The following MINDY1 variants were observed in gnomAD, a reference collection of about 807,000 sequenced individuals.
MINDY1 encodes the protein ubiquitin carboxyl-terminal hydrolase MINDY-1.
In MINDY1, 50 loss-of-function variants were observed where a neutral mutation model predicts 53.6. That is an observed-to-expected ratio of 0.93 (90% confidence interval 0.74 to 1.18). The LOEUF is 1.18. Ranked by LOEUF, MINDY1 falls within the 50% of genes most tolerant of loss-of-function variation. The pLI, the probability that MINDY1 is intolerant of heterozygous loss-of-function variation, is 0.00. For missense variants in MINDY1, 484 were observed against 578.6 expected (o/e 0.84, Z 1.68); for synonymous variants, 231 against 234.7 (o/e 0.98, Z 0.14).
In MINDY1 at chr1:151,006,096, C is replaced by T. The variant is rs781716055; in HGVS notation, c.-90+216G>A. The T allele has an allele frequency of 1.3e-5, 20 of 1,551,564 alleles. 1 individual carries two copies. In the Middle Eastern group the frequency reaches 2.2e-3, roughly 168 times the overall value. ...ATGGCCACAGTGCCCTGTATACTTG[C>T]TCACAAGGAGAGGGGGAAGGTTTCG... On this transcript the variant is annotated intron_variant, in intron 1 of 9. Transcript: ENST00000683666.
intron 8 of MINDY1, 70 bp downstream of exon 8, chr1:150,998,012 A>G: frequency 6.7e-7 from 1 of 1,485,200 alleles, no homozygotes. Context: ...TCTAGCAGTT[A>G]AAATGTATGC....
Position 150,999,992 on chromosome 1 carries a change from C to G in MINDY1, c.736-28G>C, listed in dbSNP as rs781429294. Reference sequence around the variant, plus strand: ...GCTTGGGTAGTGGGATGTGGGATACCAAAAAAATTGGGATTTTTTTTTCTT... The same window carrying G: ...GCTTGGGTAGTGGGATGTGGGATACGAAAAAAATTGGGATTTTTTTTTCTT... On this transcript the variant is annotated intron_variant, in intron 5 of 9. Transcript: ENST00000683666. This position sits in a 1 kb window ranked among gnomAD's most constrained non-coding sequence, Gnocchi z 4.4. 14 of 1,557,892 alleles carry G rather than the reference C, an allele frequency of 9.0e-6. No homozygotes were observed. The highest frequency in any genetic ancestry group is 1.2e-5 in the Non-Finnish European group (14 of 1,135,258).
chr1:151,004,576 A>G (rs1672942644), intron 1 of MINDY1, among the ~76,000 whole-genome samples: 1 of 151,908 alleles, frequency 6.6e-6, no homozygotes, highest in Non-Finnish European at 1.5e-5. Flanking sequence ...TTGAAAGTAC[A>G]AAAATTAGCC....
At position 151,006,789 on chromosome 1, in the gene MINDY1, G is replaced by A. The variant is rs587641154; in HGVS notation, c.-567C>T. 3.0e-4 allele frequency: 293 copies of A among 985,552 alleles called. No individual in the cohort carries two copies. Among genetic ancestry groups the A allele is most frequent in the Non-Finnish European group, 3.2e-4 (268 of 830,030 alleles). 61.1% of individuals were successfully genotyped at this position (985,552 alleles called of 1,614,324 possible). A position where few individuals can be genotyped will look rare whatever the true frequency, so the allele number is the denominator to read the frequency against. ...GATTTCCATCAGGACTTTCTGACCC[G>A]GTCAGCAGCTTTGTGATCAGCAGAG... On this transcript the variant is annotated 5_prime_UTR_variant, in exon 1 of 10. Transcript: ENST00000683666.
chr1:151,001,673 G>A (rs1244411163), intron 3 of MINDY1, 52 bp downstream of exon 3: 1 of 1,595,448 alleles, frequency 6.3e-7, no homozygotes, highest in African/African-American at 1.3e-5. Context: ...CTGGCTGAGT[G>A]GATAGCTCTG....
At chr1:151,005,157 G>C (rs1000283227) in intron 1 of MINDY1, among the ~76,000 whole-genome samples, 4 of 152,054 alleles carry the variant, frequency 2.6e-5, no homozygotes, top group Non-Finnish European at 2.9e-5. Context: ...AAAGCTTGAA[G>C]AAAAGCAGGC....
At chr1:150,998,814 A>G (rs975844213) in intron 7 of MINDY1, among the ~76,000 whole-genome samples, 1 of 152,020 alleles carries the variant, frequency 6.6e-6, no homozygotes, top group African/African-American at 2.4e-5. Flanking sequence ...TGCTCCCCCC[A>G]TTTCCCATTG....
Position 150,999,306 on chromosome 1 carries a change from C to T in MINDY1, c.981+63G>A. Reference sequence around the variant, plus strand: ...TTAATCTAGCTGATCCCAGCTGGACCCACGAGAAAAAGGCACCAGGAAATG... The same window carrying T: ...TTAATCTAGCTGATCCCAGCTGGACTCACGAGAAAAAGGCACCAGGAAATG... On this transcript the variant is annotated intron_variant, in intron 7 of 9. Transcript: ENST00000683666. This position sits in a 1 kb window ranked among gnomAD's most constrained non-coding sequence, Gnocchi z 4.4. 1 of 1,602,206 alleles carries T rather than the reference C, an allele frequency of 6.2e-7. No homozygotes were observed. The highest frequency in any genetic ancestry group is 8.5e-7 in the Non-Finnish European group (1 of 1,172,140).
Position 150,999,258 on chromosome 1 carries a change from G to T in MINDY1, c.981+111C>A. ...TTGTTGTGGTAAACCACAGGGATTT[G>T]AGGGGTCACTTGCTACCACGGCTTA... On this transcript the variant is annotated intron_variant, in intron 7 of 9. Transcript: ENST00000683666. This position sits in a 1 kb window ranked among gnomAD's most constrained non-coding sequence, Gnocchi z 4.4. The T allele has an allele frequency of 6.9e-7, 1 of 1,451,116 alleles. No homozygotes were observed. Among genetic ancestry groups the T allele is most frequent in the Non-Finnish European group, 9.5e-7 (1 of 1,054,778 alleles). 89.9% of individuals were successfully genotyped at this position (1,451,116 alleles called of 1,614,324 possible). A position where few individuals can be genotyped will look rare whatever the true frequency, so the allele number is the denominator to read the frequency against.
chr1:151,008,286 T>TCCTTC, upstream of MINDY1: 1 of 1,246,090 alleles, frequency 8.0e-7, no homozygotes, highest in South Asian at 1.7e-5. Flanking sequence ...CAGAAAACAA[T>TCCTTC]CCTTCCCTCG....
chr1:151,000,531 C>G lies in MINDY1; in HGVS notation c.661G>C (p.Glu221Gln). The change falls in exon 5 of 10, where the codon GAG becomes CAG. Residue 221 changes from glutamate to glutamine, a missense_variant. Transcript: ENST00000683666. Reference protein sequence around the residue: ...NVRFTGVSDFEYTPECSVFDL... With the variant: ...NVRFTGVSDFQYTPECSVFDL... ...AAGACACTGCACTCGGGTGTATACT[C>G]AAAATCAGAGACGCCTGTGAATCGC... 1 of 1,614,082 alleles carries G rather than the reference C, an allele frequency of 6.2e-7. No individual in the cohort carries two copies. Among genetic ancestry groups the G allele is most frequent in the Non-Finnish European group, 8.5e-7 (1 of 1,180,026 alleles).
At chr1:150,997,825 G>T in intron 8 of MINDY1, 46 bp from the exon 9 acceptor site, 1 of 1,558,858 alleles carries the variant, frequency 6.4e-7, no homozygotes. Flanking sequence ...CCAGAGCCGT[G>T]GCTATTCAGG....
chr1:150,999,383 T>C lies in MINDY1; in HGVS notation c.967A>G (p.Met323Val), dbSNP rs773360327. Residue 323 changes from methionine to valine, a missense_variant, in exon 7 of 10, where the codon ATG (methionine) becomes GTG (valine). Met to Val is a conservative substitution (Grantham distance 21, BLOSUM62 1). Coordinates refer to ENST00000683666, the MANE Select transcript of MINDY1 (RefSeq NM_001376665.1). This position sits in a 1 kb window ranked among gnomAD's most constrained non-coding sequence, Gnocchi z 4.4. ...VFFRNNHFST[M>V]TKHKSHLYLL... The stretch of plus-strand genomic sequence containing the variant: ...ACTCGCATTACCTTATGCTTAGTCA[T>C]GGTGCTAAAGTGGTTGTTTCGGAAA... 6.2e-7 allele frequency: 1 copy of C among 1,614,104 alleles called. No homozygotes were observed. Among genetic ancestry groups the C allele is most frequent in the East Asian group, 2.2e-5 (1 of 44,884 alleles).
At chr1:151,005,308 CG>C (rs1159144731) in intron 1 of MINDY1, among the ~76,000 whole-genome samples, 3 of 151,882 alleles carry the variant, frequency 2.0e-5, no homozygotes, top group Non-Finnish European at 4.4e-5. Flanking sequence ...AAAAATTAGC[CG>C]GGCACGGTGG....
At chr1:151,007,488 G>A (rs1464888953), upstream of MINDY1, among the ~76,000 whole-genome samples, 1 of 152,170 alleles carries the variant, frequency 6.6e-6, no homozygotes, top group East Asian at 1.9e-4. Context: ...TGAAGACGGA[G>A]CAAGACTCCG....
intron 8 of MINDY1, 136 bp downstream of exon 8, chr1:150,997,946 C>A: frequency 8.6e-7 from 1 of 1,164,284 alleles, no homozygotes. Context: ...GAATACACAC[C>A]AAGTGAGGAG....
At position 150,997,056 on chromosome 1, in the gene MINDY1, G is replaced by T; in HGVS notation, c.*231C>A. On this transcript the variant is annotated 3_prime_UTR_variant, in exon 10 of 10. Transcript: ENST00000683666. Reference sequence around the variant, plus strand: ...TGACTATTCAGGGACCGGGAGTTGAGAACCAGAAACCCACCAATCCTAGTG... The same window carrying T: ...TGACTATTCAGGGACCGGGAGTTGATAACCAGAAACCCACCAATCCTAGTG... 1 of 585,448 alleles carries T rather than the reference G, an allele frequency of 1.7e-6. No homozygotes were observed. The highest frequency in any genetic ancestry group is 4.6e-4 in the Middle Eastern group (1 of 2,180). 36.3% of individuals were successfully genotyped at this position (585,448 alleles called of 1,614,324 possible).
intron 5 of MINDY1, 96 bp downstream of exon 5, chr1:151,000,361 C>G: frequency 7.6e-7 from 1 of 1,313,552 alleles, no homozygotes. Flanking sequence ...CCAAGCCAAT[C>G]TAACCCCTAA....
chr1:150,999,921 T>A lies in MINDY1; in HGVS notation c.779A>T (p.Gln260Leu). 1 of 1,614,132 alleles carries A rather than the reference T, an allele frequency of 6.2e-7. No individual in the cohort carries two copies. ...GCAGGTGATGATCCTCTCCACCAGC[T>A]GGTTGTAACTCAGTTTCCCAACTGC... ...VRAVGKLSYN[Q>L]LVERIITCKH... Residue 260 changes from glutamine to leucine, a missense_variant, in exon 6 of 10, where the codon CAG becomes CTG. Physicochemically the swap from Gln to Leu is moderately radical, Grantham distance 113. Coordinates refer to ENST00000683666, the MANE Select transcript of MINDY1 (RefSeq NM_001376665.1). This position sits in a 1 kb window ranked among gnomAD's most constrained non-coding sequence, Gnocchi z 4.4.
Sources: gnomAD v4.1 joint callset for allele counts (sites outside exome capture counted in the v4.1 genomes callset) on GRCh38, gnomAD v4.1.1 for gene constraint, Gnocchi (gnomAD v3.1) non-coding constraint, MANE v1.5 for transcripts, NCBI Gene and HGNC (gene_info 2026-07-23, HGNC 2026-07-21) for gene names.